ZNF615: variants seen among roughly 807,000 people sequenced by gnomAD.
ZNF615 encodes zinc finger protein 615.
In ZNF615, 15 loss-of-function variants were observed where a neutral mutation model predicts 15.3. The ratio of observed to expected loss-of-function variants is 0.98; its 90% CI spans 0.66 to 1.51. ZNF615 has a LOEUF of 1.51. Ranked by LOEUF, ZNF615 falls within the 40% of genes most tolerant of loss-of-function variation. The probability of loss-of-function intolerance (pLI) is 0.00; values close to 1 mark genes in which losing one functional copy is unlikely to be tolerated. For missense variants in ZNF615, 848 were observed against 895.9 expected (o/e 0.95, Z 0.68); for synonymous variants, 268 against 294.6 (o/e 0.91, Z 0.92).
intron 2 of ZNF615, among the ~76,000 whole-genome samples, chr19:52,005,519 A>G (rs1303942183): frequency 6.6e-6 from 1 of 152,220 alleles, no homozygotes; most frequent in East Asian, 1.9e-4. Flanking sequence ...CACATACAAA[A>G]AAATAGACAA....
intron 6 of ZNF615, 25 bp from the exon 7 acceptor site, chr19:51,994,862 C>T: frequency 6.4e-7 from 1 of 1,557,088 alleles, no homozygotes; most frequent in Non-Finnish European, 8.7e-7. Context: ...AACAGTCAAT[C>T]ACTCCATCAT....
At chr19:51,997,276 G>GC (rs1407890167) in intron 6 of ZNF615, among the ~76,000 whole-genome samples, 3 of 152,164 alleles carry the variant, frequency 2.0e-5, no homozygotes, top group Non-Finnish European at 2.9e-5. Context: ...CTGCACTCCA[G>GC]CCTGGGTAAC....
chr19:51,997,582 G>C (rs1297663471), intron 6 of ZNF615, among the ~76,000 whole-genome samples: 3 of 152,152 alleles, frequency 2.0e-5, no homozygotes, highest in African/African-American at 7.2e-5. Context: ...CAGCAGGCCT[G>C]GGCTATTCCA....
intron 5 of ZNF615, 106 bp downstream of exon 5, chr19:52,001,707 A>AG (rs1227745111): frequency 1.3e-6 from 1 of 792,420 alleles, no homozygotes; most frequent in East Asian, 2.6e-5. Flanking sequence ...GGAGTGATGG[A>AG]GGGGCTGTTG....
At chr19:52,001,773 G>C in intron 5 of ZNF615, 40 bp downstream of exon 5, 5 of 1,560,708 alleles carry the variant, frequency 3.2e-6, no homozygotes, top group Non-Finnish European at 4.4e-6. Flanking sequence ...GGCAGAACAT[G>C]GTGTCTGTGG....
At position 51,993,504 on chromosome 19, in the gene ZNF615, C is replaced by A; in HGVS notation, c.1605G>T (p.Lys535Asn). 1 of 1,613,918 alleles carries A rather than the reference C, an allele frequency of 6.2e-7. No individual in the cohort carries two copies. The highest frequency in any genetic ancestry group is 8.5e-7 in the Non-Finnish European group (1 of 1,179,990). Reference protein sequence around the residue: ...CGECGKGFPAKIRLMGHQRTH... With the variant: ...CGECGKGFPANIRLMGHQRTH... ...TTCGTTGATGTCCCATTAGCCGGATCTTTGCTGGAAAGCCTTTTCCACACT... is the reference window on the plus strand; with the variant it reads ...TTCGTTGATGTCCCATTAGCCGGATATTTGCTGGAAAGCCTTTTCCACACT... Residue 535 changes from lysine to asparagine, a missense_variant, in exon 7 of 7, where the codon AAG becomes AAT. Physicochemically the swap from Lys to Asn is moderately conservative, Grantham distance 94. Coordinates refer to ENST00000598071, the MANE Select transcript of ZNF615 (RefSeq NM_001199324.2).
Position 51,993,283 on chromosome 19 carries a change from CA to C in ZNF615, c.1825del (p.Cys609AlafsTer10). ...RTHTGEKPYI[C>X]NECGKGFTMK... ...GGTGAAGCCCTTTCCACATTCATTG[CA>C]TATATAAGGTTTCTCCCCAGTATGA... is the stretch of plus-strand genomic sequence containing the variant. On this transcript the variant is annotated frameshift_variant, in exon 7 of 7. Coordinates refer to ENST00000598071, the MANE Select transcript of ZNF615 (RefSeq NM_001199324.2). LOFTEE classifies it low-confidence loss of function (END_TRUNC). 6.2e-7 allele frequency: 1 copy of C among 1,614,132 alleles called. No homozygotes were observed. The highest frequency in any genetic ancestry group is 8.5e-7 in the Non-Finnish European group (1 of 1,180,010).
intron 6 of ZNF615, among the ~76,000 whole-genome samples, chr19:51,995,268 C>T (rs1046183602): frequency 2.0e-5 from 3 of 151,946 alleles, no homozygotes; most frequent in Non-Finnish European, 2.9e-5. Context: ...ATAAACACAC[C>T]GAAAAGTAAA....
At chr19:52,000,128 A>T (rs895047114) in intron 6 of ZNF615, 6 of 388,346 alleles carry the variant, frequency 1.5e-5, no homozygotes, top group African/African-American at 1.2e-4. Context: ...AGAAACAGAA[A>T]ACCAAATACT....
intron 3 of ZNF615, among the ~76,000 whole-genome samples, chr19:52,003,279 A>G (rs1382660451): frequency 6.6e-6 from 1 of 152,240 alleles, no homozygotes; most frequent in Non-Finnish European, 1.5e-5. Context: ...CTACTTTTGC[A>G]TTTATGAGAA....
intron 6 of ZNF615, among the ~76,000 whole-genome samples, chr19:51,999,836 A>G (rs1386509149): frequency 6.6e-6 from 1 of 152,248 alleles, no homozygotes; most frequent in Non-Finnish European, 1.5e-5. Context: ...ATCTTAAAGT[A>G]GAGAACTTTA....
At chr19:51,996,402 A>AAAAAAAAAAAAAAAAAAAAAAC (rs1555771241) in intron 6 of ZNF615, among the ~76,000 whole-genome samples, 3 of 134,318 alleles carry the variant, frequency 2.2e-5, no homozygotes, top group Non-Finnish European at 3.1e-5. Context: ...AAAAAAAAAA[A>AAAAAAAAAAAAAAAAAAAAAAC]AAAAAACGCA....
At chr19:52,003,965 A>C in intron 2 of ZNF615, 65 bp from the exon 3 acceptor site, 1 of 1,174,710 alleles carries the variant, frequency 8.5e-7, no homozygotes, top group Non-Finnish European at 1.1e-6. Flanking sequence ...CTGTTCCTAT[A>C]TGCTCACCTT....
In ZNF615 at chr19:51,994,374, G is replaced by C; in HGVS notation, c.735C>G (p.Cys245Trp). 6.2e-7 allele frequency: 1 copy of C among 1,614,090 alleles called. No homozygotes were observed. Among genetic ancestry groups the C allele is most frequent in the Non-Finnish European group, 8.5e-7 (1 of 1,180,018 alleles). The change falls in exon 7 of 7, where the codon TGC (cysteine) becomes TGG (tryptophan). Residue 245 changes from cysteine to tryptophan, a missense_variant. Coordinates refer to ENST00000598071, the MANE Select transcript of ZNF615 (RefSeq NM_001199324.2). The part of the protein sequence containing the change: ...RVHTGEKPHV[C>W]SMCGKAFSRK... ...TGGAGAAAGCTTTCCCACACATACT[G>C]CATACATGAGGTTTTTCTCCAGTGT...
In ZNF615 at chr19:52,003,872, T is replaced by A. The variant is rs2086676164; in HGVS notation, c.-161A>T. On this transcript the variant is annotated 5_prime_UTR_variant, in exon 3 of 7. The change creates a premature stop within an existing upstream ORF in the 5' untranslated region. Transcript: ENST00000598071. ...GGAAACTCCGCCTCCTTCCTTCACT[T>A]GATTTCTCTTGTTCTCAGCACCTGT... 1.4e-6 allele frequency: 2 copies of A among 1,451,200 alleles called. No individual in the cohort carries two copies. Among genetic ancestry groups the A allele is most frequent in the African/African-American group, 2.8e-5 (2 of 70,408 alleles). The allele number at this position is 1,451,200 out of a possible 1,614,324, so 89.9% of individuals were successfully genotyped here. A position where few individuals can be genotyped will look rare whatever the true frequency, so the allele number is the denominator to read the frequency against.
chr19:51,994,744 C>G lies in ZNF615; in HGVS notation c.365G>C (p.Gly122Ala), dbSNP rs535483094. 2 of 1,613,814 alleles carry G rather than the reference C, an allele frequency of 1.2e-6. No homozygotes were observed. The highest frequency in any genetic ancestry group is 3.3e-5 in the Admixed American group (2 of 59,990). The change falls in exon 7 of 7, where the codon GGA becomes GCA. Residue 122 changes from glycine to alanine, a missense_variant. By Grantham distance (60) the Gly-to-Ala change is moderately conservative. Transcript: ENST00000598071. ...VKQCHEQNMF[G>A]NIVNQNKGHF... ...ACCTTTGTTCTGATTAACAATATTT[C>G]CAAACATATTCTGTTCATGGCACTG...
rs2086331441 is a variant in ZNF615, at chr19:51,993,912, G to C, written c.1197C>G (p.Ile399Met). 2 of 1,613,876 alleles carry C rather than the reference G, an allele frequency of 1.2e-6. No individual in the cohort carries two copies. The highest frequency in any genetic ancestry group is 8.5e-7 in the Non-Finnish European group (1 of 1,180,004). The change falls in exon 7 of 7, where the codon ATC (isoleucine) becomes ATG (methionine). Residue 399 changes from isoleucine (I) to methionine (M), a missense_variant. Physicochemically the swap from Ile to Met is conservative, Grantham distance 10. Transcript: ENST00000598071. ...GKGFTLKNSL[I>M]THQQTHTGEK... ...CTCCTGTATGAGTTTGCTGATGTGTGATAAGACTGTTCTTCAAGGTGAAGC... is the reference window on the plus strand; with the variant it reads ...CTCCTGTATGAGTTTGCTGATGTGTCATAAGACTGTTCTTCAAGGTGAAGC...
chr19:51,993,442 C>A lies in ZNF615; in HGVS notation c.1667G>T (p.Cys556Phe). ...TGEKPYICNECGKGFTEKSHL... is the reference protein window; with the variant it reads ...TGEKPYICNEFGKGFTEKSHL... ...ACTCTTCTCAGTGAAGCCTTTTCCACACTCATTGCAAATATAAGGTTTCTC... is the reference window on the plus strand; with the variant it reads ...ACTCTTCTCAGTGAAGCCTTTTCCAAACTCATTGCAAATATAAGGTTTCTC... Residue 556 changes from cysteine (C) to phenylalanine (F), a missense_variant, in exon 7 of 7, where the codon TGT (cysteine) becomes TTT (phenylalanine). Physicochemically the swap from Cys to Phe is radical, Grantham distance 205. Transcript: ENST00000598071. The A allele has an allele frequency of 6.2e-7, 1 of 1,614,140 alleles. No homozygotes were observed. The highest frequency in any genetic ancestry group is 8.5e-7 in the Non-Finnish European group (1 of 1,180,026).
intron 1 of ZNF615, 144 bp downstream of exon 1, chr19:52,007,997 T>C: frequency 1.4e-6 from 1 of 725,350 alleles, no homozygotes; most frequent in Non-Finnish European, 2.3e-6. Flanking sequence ...GGACCCACGC[T>C]AAGCTCCTGA....
Sources: allele counts gnomAD v4.1 joint callset (sites outside exome capture counted in the v4.1 genomes callset), GRCh38; gene constraint gnomAD v4.1.1; transcripts MANE v1.5; gene names NCBI Gene and HGNC (gene_info 2026-07-23, HGNC 2026-07-21).